The following COX16 variants were observed in gnomAD, a reference collection of about 807,000 sequenced individuals.
COX16 encodes the protein cytochrome c oxidase assembly factor COX16.
COX16 carries 12 observed loss-of-function variants against 15.4 expected under a neutral mutation model. That is an observed-to-expected ratio of 0.78 (90% CI 0.50 to 1.26). The LOEUF is 1.26. Ranked by LOEUF, COX16 falls within the 50% of genes most tolerant of loss-of-function variation. The probability of loss-of-function intolerance (pLI) is 0.00; values close to 1 mark genes in which losing one functional copy is unlikely to be tolerated. For missense variants in COX16, 124 were observed against 127.6 expected (o/e 0.97, Z 0.14); for synonymous variants, 46 against 41.1 (o/e 1.12, Z -0.46).
chr14:70,358,331 ATATAT>A (rs1887193089), intron 1 of COX16, among the ~76,000 whole-genome samples: 1 of 151,526 alleles, frequency 6.6e-6, no homozygotes, highest in South Asian at 2.1e-4. Context: ...TAATATACGA[ATATAT>A]TAGTATACTA....
chr14:70,329,100 C>T, intron 3 of COX16, 74 bp downstream of exon 3: 2 of 1,416,998 alleles, frequency 1.4e-6, no homozygotes, highest in Non-Finnish European at 9.5e-7. Context: ...TTTTTCTGTA[C>T]TACTAATACT....
intron 1 of COX16, among the ~76,000 whole-genome samples, chr14:70,347,618 C>T (rs1886821837): frequency 6.6e-6 from 1 of 152,112 alleles, no homozygotes; most frequent in African/African-American, 2.4e-5. Context: ...TCCTGTGTAG[C>T]CCCTCTCAAA....
chr14:70,342,422 G>A (rs371618804), intron 2 of COX16, among the ~76,000 whole-genome samples: 167 of 152,298 alleles, frequency 1.1e-3, no homozygotes, highest in African/African-American at 3.8e-3. Flanking sequence ...TCCAGTCTGA[G>A]CGACAGAGTG....
At chr14:70,329,872 A>G (rs1216625888) in intron 2 of COX16, among the ~76,000 whole-genome samples, 1 of 152,104 alleles carries the variant, frequency 6.6e-6, no homozygotes, top group African/African-American at 2.4e-5. Flanking sequence ...CAAAGATCAA[A>G]TAAGTAAAAT....
intron 1 of COX16, among the ~76,000 whole-genome samples, chr14:70,343,562 C>T (rs1370438325): frequency 6.6e-6 from 1 of 152,152 alleles, no homozygotes; most frequent in Non-Finnish European, 1.5e-5. Context: ...AAAGAAATCT[C>T]ATGAAAACTT....
At chr14:70,329,713 A>G (rs1415682021) in intron 2 of COX16, among the ~76,000 whole-genome samples, 2 of 126,538 alleles carry the variant, frequency 1.6e-5, no homozygotes, top group East Asian at 4.3e-4. Flanking sequence ...CCAGAAGTAG[A>G]TATCTACCAA....
intron 2 of COX16, among the ~76,000 whole-genome samples, chr14:70,338,024 C>A (rs1886509668): frequency 6.6e-6 from 1 of 152,148 alleles, no homozygotes; most frequent in Admixed American, 6.5e-5. Context: ...GCAAAAGCAA[C>A]AACTGACAAG....
At chr14:70,334,132 ACTGC>A in intron 2 of COX16, among the ~76,000 whole-genome samples, 1 of 152,242 alleles carries the variant, frequency 6.6e-6, no homozygotes, top group Non-Finnish European at 1.5e-5. Context: ...ATATACTAAT[ACTGC>A]AATCATGATG....
chr14:70,347,144 G>A lies in COX16; in HGVS notation c.70-4415C>T, dbSNP rs1470571767. On this transcript the variant is annotated intron_variant, in intron 1 of 3. Coordinates refer to ENST00000389912, the MANE Select transcript of COX16 (RefSeq NM_016468.7). ...GAAGCAGTATCCCATCCCCCAAGCA[G>A]CTCTCATAGGCCTAAAGCCTATCAT... 2.6e-5 allele frequency among the ~76,000 whole-genome samples: 4 copies of A among 151,910 alleles called. No individual in the cohort carries two copies. In the East Asian group the frequency reaches 7.7e-4, roughly 29 times the overall value.
chr14:70,350,150 C>T (rs1320861666), intron 1 of COX16, among the ~76,000 whole-genome samples: 1 of 152,174 alleles, frequency 6.6e-6, no homozygotes, highest in African/African-American at 2.4e-5. Context: ...AAACTCTTCC[C>T]TTCTCAGGCC....
intron 1 of COX16, among the ~76,000 whole-genome samples, chr14:70,352,080 T>C (rs1055434912): frequency 6.6e-6 from 1 of 152,250 alleles, no homozygotes; most frequent in African/African-American, 2.4e-5. Context: ...ATTTCTTTTT[T>C]CTTTTGAAAA....
intron 2 of COX16, among the ~76,000 whole-genome samples, chr14:70,339,456 A>G (rs899676967): frequency 6.6e-6 from 1 of 152,254 alleles, no homozygotes; most frequent in Non-Finnish European, 1.5e-5. Flanking sequence ...GTCTCAAGCA[A>G]ACAATGACGG....
At chr14:70,334,664 T>C (rs1242366421) in intron 2 of COX16, among the ~76,000 whole-genome samples, 3 of 152,204 alleles carry the variant, frequency 2.0e-5, no homozygotes, top group Non-Finnish European at 4.4e-5. Context: ...CTATAGGATG[T>C]TTTCTGTAAG....
intron 2 of COX16, among the ~76,000 whole-genome samples, chr14:70,340,297 T>C (rs1409836662): frequency 6.6e-6 from 1 of 152,200 alleles, no homozygotes; most frequent in Non-Finnish European, 1.5e-5. Context: ...CTGCCATGAC[T>C]AAGTTTCCTG....
chr14:70,326,915 A>G (rs963983705), intron 3 of COX16, among the ~76,000 whole-genome samples: 21 of 152,186 alleles, frequency 1.4e-4, no homozygotes, highest in African/African-American at 4.8e-4. Context: ...TTAGGAATGA[A>G]AAGACTTTCC....
intron 3 of COX16, among the ~76,000 whole-genome samples, chr14:70,328,513 T>C (rs1451346558): frequency 6.6e-6 from 1 of 152,220 alleles, no homozygotes; most frequent in East Asian, 1.9e-4. Flanking sequence ...AGCGTGCTGT[T>C]AAACTCCTTG....
At chr14:70,336,511 GATAA>G (rs1438783513) in intron 2 of COX16, among the ~76,000 whole-genome samples, 4 of 152,120 alleles carry the variant, frequency 2.6e-5, no homozygotes, top group Admixed American at 6.6e-5. Flanking sequence ...AAACAACTTA[GATAA>G]ATAAAAATAA....
intron 2 of COX16, among the ~76,000 whole-genome samples, chr14:70,332,527 A>G (rs748345284): frequency 5.3e-5 from 8 of 152,222 alleles, no homozygotes; most frequent in Non-Finnish European, 1.0e-4. Context: ...CTCTCCTGCC[A>G]CAGTTGGGGA....
intron 2 of COX16, among the ~76,000 whole-genome samples, chr14:70,335,453 A>G (rs1886419979): frequency 6.6e-6 from 1 of 152,200 alleles, no homozygotes; most frequent in Non-Finnish European, 1.5e-5. Flanking sequence ...TTAGGCCACA[A>G]AGTCTCAACA....
Sources: gnomAD v4.1 joint callset for allele counts (sites outside exome capture counted in the v4.1 genomes callset) on GRCh38, gnomAD v4.1.1 for gene constraint, MANE v1.5 for transcripts, NCBI Gene and HGNC (gene_info 2026-07-23, HGNC 2026-07-21) for gene names.